CYP2C19: variants seen among roughly 807,000 people sequenced by gnomAD.
CYP2C19 encodes cytochrome P450 family 2 subfamily C member 19.
CYP2C19 carries 59 observed loss-of-function variants against 40.9 expected under a neutral mutation model. The observed-to-expected ratio is 1.44, with a 90% CI of 1.17 to 1.79. The LOEUF (loss-of-function observed/expected upper bound fraction) is 1.79, where lower values mean the gene tolerates loss of function less well. CYP2C19 is among the 40% of genes most tolerant of loss of function. The pLI is 0.00. For synonymous variants in CYP2C19, 253 were observed against 208.7 expected (o/e 1.21, Z -1.83); for missense variants, 754 against 596.9 (o/e 1.26, Z -2.74).
At chr10:94,842,444 A>G (rs1027569368) in intron 6 of CYP2C19, among the ~76,000 whole-genome samples, 1 of 108,408 alleles carries the variant, frequency 9.2e-6, no homozygotes, top group African/African-American at 3.7e-5. Flanking sequence ...TTGTTTCTTC[A>G]TCTAGTCAGT....
chr10:94,808,823 A>T (rs1167189663), intron 5 of CYP2C19, among the ~76,000 whole-genome samples: 1 of 152,128 alleles, frequency 6.6e-6, no homozygotes, highest in Non-Finnish European at 1.5e-5. Context: ...CGTTTTCTTT[A>T]TCCACTCATC....
At chr10:94,783,339 C>G (rs1423795430) in intron 5 of CYP2C19, among the ~76,000 whole-genome samples, 1 of 151,904 alleles carries the variant, frequency 6.6e-6, no homozygotes, top group Non-Finnish European at 1.5e-5. Flanking sequence ...CAGTGAGAGT[C>G]AGAAGAGGGG....
intron 6 of CYP2C19, among the ~76,000 whole-genome samples, chr10:94,838,000 C>T (rs1487956351): frequency 6.6e-6 from 1 of 152,106 alleles, no homozygotes; most frequent in Non-Finnish European, 1.5e-5. Flanking sequence ...TATAATTTTC[C>T]CAACTTTTCC....
chr10:94,779,171 C>A (rs949419203), intron 3 of CYP2C19, among the ~76,000 whole-genome samples: 1 of 151,982 alleles, frequency 6.6e-6, no homozygotes, highest in Non-Finnish European at 1.5e-5. Flanking sequence ...GCATGTGGAG[C>A]TTAAAACCTA....
At chr10:94,843,056 T>C in intron 7 of CYP2C19, 32 bp downstream of exon 7, 1 of 1,609,424 alleles carries the variant, frequency 6.2e-7, no homozygotes, top group East Asian at 2.2e-5. Context: ...TGCAACTCCA[T>C]GTTCTTTTAT....
chr10:94,829,103 C>A (rs1015514706), intron 6 of CYP2C19, among the ~76,000 whole-genome samples: 2 of 152,122 alleles, frequency 1.3e-5, no homozygotes, highest in Admixed American at 6.5e-5. Context: ...AACATTTTTT[C>A]CTTCATTTCA....
chr10:94,813,045 T>A (rs1346501512), intron 5 of CYP2C19, among the ~76,000 whole-genome samples: 2 of 151,766 alleles, frequency 1.3e-5, no homozygotes, highest in Non-Finnish European at 2.9e-5. Flanking sequence ...TTTGAATGGG[T>A]TTTTTGCGTG....
intron 1 of CYP2C19, among the ~76,000 whole-genome samples, chr10:94,769,164 G>C (rs1363825744): frequency 1.3e-5 from 2 of 152,036 alleles, no homozygotes; most frequent in East Asian, 3.9e-4. Context: ...CTTTGACCTA[G>C]ACGCCTTGTA....
rs1348353803 is a variant in CYP2C19, at chr10:94,853,188, A to G, written c.*274A>G. On this transcript the variant is annotated 3_prime_UTR_variant, in exon 9 of 9. Transcript: ENST00000371321. ...ACATATTATTATTAAATAGAGAAAG[A>G]TGATTTGTGTATTATAATTCAAAGG... The G allele has an allele frequency of 2.3e-6, 1 of 433,468 alleles. No individual in the cohort carries two copies. The highest frequency in any genetic ancestry group is 4.0e-5 in the Admixed American group (1 of 24,908). The allele number at this position is 433,468 out of a possible 1,614,324, so 26.9% of individuals were successfully genotyped here. A position where few individuals can be genotyped will look rare whatever the true frequency, so the allele number is the denominator to read the frequency against.
intron 5 of CYP2C19, among the ~76,000 whole-genome samples, chr10:94,789,726 A>G (rs1007804631): frequency 1.8e-4 from 27 of 152,236 alleles, no homozygotes; most frequent in African/African-American, 6.5e-4. Context: ...TAACAGTACC[A>G]TGCTGTTTTT....
At chr10:94,831,210 A>G (rs1849329986) in intron 6 of CYP2C19, among the ~76,000 whole-genome samples, 2 of 150,716 alleles carry the variant, frequency 1.3e-5, no homozygotes, top group South Asian at 4.2e-4. Flanking sequence ...ACTGAATCTC[A>G]TTCTTTTTTT....
chr10:94,781,754 G>T (rs1041987233), intron 4 of CYP2C19, 67 bp from the exon 5 acceptor site: 3 of 734,698 alleles, frequency 4.1e-6, no homozygotes, highest in Non-Finnish European at 5.8e-6. Context: ...TACAACCAGA[G>T]CTTGGCATAT....
In CYP2C19 at chr10:94,852,781, T is replaced by A. The variant is rs1361457533; in HGVS notation, c.1340T>A (p.Leu447Ter). 1 of 1,614,090 alleles carries A rather than the reference T, an allele frequency of 6.2e-7. No homozygotes were observed. Among genetic ancestry groups the A allele is most frequent in the South Asian group, 1.1e-5 (1 of 91,084 alleles). ...GGCCTGGCCCGCATGGAGCTGTTTTTATTCCTGACCTTCATTTTACAGAAC... is the reference window on the plus strand; with the variant it reads ...GGCCTGGCCCGCATGGAGCTGTTTTAATTCCTGACCTTCATTTTACAGAAC... ...GEGLARMELFLFLTFILQNFN... is the reference protein window; with the variant it reads ...GEGLARMELF Residue 447 changes from leucine to a stop codon, truncating the protein, a stop_gained, in exon 9 of 9, where the codon TTA (leucine) becomes TAA (stop). Transcript: ENST00000371321. LOFTEE classifies it low-confidence loss of function (END_TRUNC).
Position 94,855,057 on chromosome 10 carries a change from T to A in CYP2C19, c.*2143T>A, listed in dbSNP as rs1456374528. Among the ~76,000 whole-genome samples, 1 of 152,212 alleles carries A rather than the reference T, an allele frequency of 6.6e-6. No individual in the cohort carries two copies. Among genetic ancestry groups the A allele is most frequent in the Non-Finnish European group, 1.5e-5 (1 of 68,036 alleles). The stretch of plus-strand genomic sequence containing the variant: ...GTAGTGGATAATCTGTTTTCCTGCC[T>A]ATTTCAGCTCCTAAAGGCTGCCTGC... On this transcript the variant is annotated 3_prime_UTR_variant, in exon 9 of 9. Transcript: ENST00000371321.
chr10:94,828,727 G>C (rs1342472933), intron 6 of CYP2C19, among the ~76,000 whole-genome samples: 3 of 151,720 alleles, frequency 2.0e-5, no homozygotes, highest in Non-Finnish European at 4.4e-5. Context: ...TGGTTATTTT[G>C]CTCGTTAGTT....
intron 5 of CYP2C19, among the ~76,000 whole-genome samples, chr10:94,801,334 C>T (rs1392327938): frequency 6.6e-6 from 1 of 152,048 alleles, no homozygotes; most frequent in Non-Finnish European, 1.5e-5. Context: ...TTACTTTTGC[C>T]TTAATTTCGT....
At chr10:94,821,621 T>C (rs1441913284) in intron 6 of CYP2C19, among the ~76,000 whole-genome samples, 1 of 152,210 alleles carries the variant, frequency 6.6e-6, no homozygotes, top group Non-Finnish European at 1.5e-5. Flanking sequence ...TTATCTTTTA[T>C]GAACAACTTT....
intron 5 of CYP2C19, among the ~76,000 whole-genome samples, chr10:94,798,918 C>T (rs995174611): frequency 4.0e-5 from 6 of 148,296 alleles, no homozygotes; most frequent in African/African-American, 1.5e-4. Context: ...GATGCATCTC[C>T]TGAATACAGC....
At chr10:94,780,790 T>A (rs1848469738) in intron 4 of CYP2C19, 131 bp downstream of exon 4, 9 of 978,922 alleles carry the variant, frequency 9.2e-6, no homozygotes, top group Non-Finnish European at 1.4e-5. Context: ...AGCCATGGGG[T>A]GAATATCTGG....
Sources: gnomAD v4.1 joint callset for allele counts (sites outside exome capture counted in the v4.1 genomes callset) on GRCh38, gnomAD v4.1.1 for gene constraint, MANE v1.5 for transcripts, NCBI Gene and HGNC (gene_info 2026-07-23, HGNC 2026-07-21) for gene names.